The following XYLB variants were observed in gnomAD, a reference collection of about 807,000 sequenced individuals.
XYLB encodes xylulokinase.
In XYLB, 62 loss-of-function variants were observed where a neutral mutation model predicts 78.7. That is an observed-to-expected ratio of 0.79 (90% CI 0.64 to 0.97). XYLB has a LOEUF of 0.97. Among genes scored for constraint, XYLB ranks in the 50% least tolerant of loss-of-function variants. XYLB has a pLI of 0.00. For synonymous variants in XYLB, 245 were observed against 247.4 expected (o/e 0.99, Z 0.09); for missense variants, 687 against 676.8 (o/e 1.02, Z -0.17).
At chr3:38,372,117 T>C (rs754237248) in intron 9 of XYLB, among the ~76,000 whole-genome samples, 1 of 152,194 alleles carries the variant, frequency 6.6e-6, no homozygotes, top group Non-Finnish European at 1.5e-5. Flanking sequence ...GACCCATGTT[T>C]TTCGTCATCC....
At chr3:38,372,788 T>C (rs368424626) in intron 10 of XYLB, 52 bp downstream of exon 10, 11 of 1,592,266 alleles carry the variant, frequency 6.9e-6, no homozygotes, top group African/African-American at 6.7e-5. Flanking sequence ...GGGTCCATGC[T>C]GGATGTTTGA....
chr3:38,440,063 C>G, the XYLB span, among the ~76,000 whole-genome samples: 1 of 152,170 alleles, frequency 6.6e-6, no homozygotes, highest in South Asian at 2.1e-4. Flanking sequence ...AGTAGATAAA[C>G]TGGCGATTCT....
the XYLB span, among the ~76,000 whole-genome samples, chr3:38,439,437 C>T: frequency 1.7e-3 from 252 of 152,332 alleles, no homozygotes; most frequent in Non-Finnish European, 3.0e-3. Context: ...AGGGGAGAAG[C>T]CACGTCACCC....
intron 2 of XYLB, among the ~76,000 whole-genome samples, chr3:38,359,971 A>G (rs1043329333): frequency 6.6e-6 from 1 of 151,694 alleles, no homozygotes; most frequent in Non-Finnish European, 1.5e-5. Flanking sequence ...TAGTAGAGAC[A>G]CTCTTCCCTC....
intron 2 of XYLB, among the ~76,000 whole-genome samples, chr3:38,351,333 C>A (rs1222715506): frequency 6.6e-6 from 1 of 151,714 alleles, no homozygotes; most frequent in Non-Finnish European, 1.5e-5. Flanking sequence ...AATTTCCTCT[C>A]CCTCACTCTC....
chr3:38,377,672 C>G (rs1706933909), intron 14 of XYLB, among the ~76,000 whole-genome samples: 1 of 152,004 alleles, frequency 6.6e-6, no homozygotes, highest in South Asian at 2.1e-4. Context: ...GTCTCGAACT[C>G]CTAACCTCAA....
At chr3:38,416,927 C>T (rs1308249123), downstream of XYLB, among the ~76,000 whole-genome samples, 2 of 152,106 alleles carry the variant, frequency 1.3e-5, no homozygotes, top group East Asian at 3.8e-4. Flanking sequence ...GTTACTTCTG[C>T]CTTGTCAAAG....
intron 15 of XYLB, among the ~76,000 whole-genome samples, chr3:38,390,641 A>AT (rs1291254481): frequency 6.6e-6 from 1 of 151,294 alleles, no homozygotes; most frequent in Non-Finnish European, 1.5e-5. Flanking sequence ...TCCCACTTCA[A>AT]CCTCCCGAGT....
Position 38,397,122 on chromosome 3 carries a change from C to T in XYLB, c.1401C>T (p.Asn467=). 1 of 1,614,150 alleles carries T rather than the reference C, an allele frequency of 6.2e-7. No homozygotes were observed. Among genetic ancestry groups the T allele is most frequent in the Non-Finnish European group, 8.5e-7 (1 of 1,180,030 alleles). The change falls in exon 17 of 19, where the codon AAC becomes AAT. Residue 467 remains asparagine (N), a synonymous_variant. Coordinates refer to ENST00000207870, the MANE Select transcript of XYLB (RefSeq NM_005108.4). ...CGGTGTATGTTATAGACACTGCCAACTCGGCCTGTGTGGGTTCTGCATACC... is the reference window on the plus strand; with the variant it reads ...CGGTGTATGTTATAGACACTGCCAATTCGGCCTGTGTGGGTTCTGCATACC... ...DAPVYVIDTA[N]SACVGSAYRA...
chr3:38,398,583 ATTCT>A (rs1707986476), intron 17 of XYLB, among the ~76,000 whole-genome samples: 1 of 152,014 alleles, frequency 6.6e-6, no homozygotes, highest in Non-Finnish European at 1.5e-5. Flanking sequence ...TTATTTCCAG[ATTCT>A]TATATTAAGT....
intron 15 of XYLB, among the ~76,000 whole-genome samples, chr3:38,390,187 G>T (rs1314517913): frequency 6.6e-6 from 1 of 151,964 alleles, no homozygotes; most frequent in African/African-American, 2.4e-5. Context: ...TTAGATTAAG[G>T]TTTATTATTA....
chr3:38,389,482 G>GGC (rs1219304548), intron 15 of XYLB, among the ~76,000 whole-genome samples: 9 of 152,206 alleles, frequency 5.9e-5, no homozygotes, highest in African/African-American at 2.2e-4. Flanking sequence ...ATGGGGTGGT[G>GGC]GCCGGGCAGA....
chr3:38,375,362 A>C (rs1489556708), intron 12 of XYLB, 103 bp downstream of exon 12: 9 of 958,980 alleles, frequency 9.4e-6, no homozygotes, highest in East Asian at 5.4e-5. Flanking sequence ...CTCTGGAATG[A>C]CTCCCTCCAC....
chr3:38,353,121 A>G (rs1705457216), intron 2 of XYLB, among the ~76,000 whole-genome samples: 1 of 152,182 alleles, frequency 6.6e-6, no homozygotes, highest in South Asian at 2.1e-4. Flanking sequence ...TCATAGTTCA[A>G]AAGGCCTTCC....
At chr3:38,449,364 A>C in the XYLB span, among the ~76,000 whole-genome samples, 1 of 151,982 alleles carries the variant, frequency 6.6e-6, no homozygotes, top group Non-Finnish European at 1.5e-5. Flanking sequence ...CTCGTGATCC[A>C]CCTGCCTTGG....
At chr3:38,358,011 C>A (rs1324768691) in intron 2 of XYLB, among the ~76,000 whole-genome samples, 1 of 151,124 alleles carries the variant, frequency 6.6e-6, no homozygotes, top group Non-Finnish European at 1.5e-5. Flanking sequence ...TCTTGATGAT[C>A]CTTTGAAGCA....
At position 38,414,398 on chromosome 3, in the gene XYLB, G is replaced by C. The variant is rs1020600284; in HGVS notation, c.*1385G>C. On this transcript the variant is annotated 3_prime_UTR_variant, in exon 19 of 19. Transcript: ENST00000207870. ...AATGGCCCATTAGATACAACAGCAA[G>C]CCCAAGATTCCGAAGAAGACAGACA... 4 of 152,140 alleles carry C rather than the reference G, an allele frequency of 2.6e-5. No homozygotes were observed. Among genetic ancestry groups the C allele is most frequent in the African/African-American group, 7.2e-5 (3 of 41,428 alleles). The allele number at this position is 152,140 out of a possible 1,614,324, so 9.4% of individuals were successfully genotyped here. A position where few individuals can be genotyped will look rare whatever the true frequency, so the allele number is the denominator to read the frequency against.
chr3:38,451,131 G>A, the XYLB span: 1 of 152,296 alleles, frequency 6.6e-6, no homozygotes, highest in Admixed American at 6.5e-5. Flanking sequence ...TATATAGCAG[G>A]AAAGAAATGT....
At chr3:38,365,052 G>C (rs1706173595) in intron 4 of XYLB, 147 bp from the exon 5 acceptor site, 1 of 645,302 alleles carries the variant, frequency 1.5e-6, no homozygotes, top group African/African-American at 1.8e-5. Context: ...CAAGTCCCAG[G>C]AGGGTGATGA....
Sources: allele counts gnomAD v4.1 joint callset (sites outside exome capture counted in the v4.1 genomes callset), GRCh38; gene constraint gnomAD v4.1.1; transcripts MANE v1.5; gene names NCBI Gene and HGNC (gene_info 2026-07-23, HGNC 2026-07-21).